The following MFSD1 variants were observed in gnomAD, a reference collection of about 807,000 sequenced individuals.
MFSD1 encodes the protein lysosomal dipeptide transporter MFSD1.
MFSD1 carries 59 observed loss-of-function variants against 67.1 expected under a neutral mutation model. That is an observed-to-expected ratio of 0.88 (90% confidence interval 0.71 to 1.09). The LOEUF (loss-of-function observed/expected upper bound fraction) is 1.09, where lower values mean the gene tolerates loss of function less well. Among genes scored for constraint, MFSD1 ranks in the 50% least tolerant of loss-of-function variants. The probability of loss-of-function intolerance (pLI) is 0.00; values close to 1 mark genes in which losing one functional copy is unlikely to be tolerated. For missense variants in MFSD1, 552 were observed against 566.1 expected (o/e 0.97, Z 0.25); for synonymous variants, 213 against 200.3 (o/e 1.06, Z -0.54).
chr3:158,819,612 C>G, intron 7 of MFSD1, 37 bp from the exon 8 acceptor site: 1 of 1,239,112 alleles, frequency 8.1e-7, no homozygotes, highest in Non-Finnish European at 1.1e-6. Flanking sequence ...GTTCTCTTTT[C>G]AAAGTCTGTT....
chr3:158,826,014 G>T lies in MFSD1; in HGVS notation c.1289-1G>T. ...AGGGCCCTATGTTTTTTCACTCCTAGTGTCACTTTTATCTGTGGTCTTACT... is the reference window on the plus strand; with the variant it reads ...AGGGCCCTATGTTTTTTCACTCCTATTGTCACTTTTATCTGTGGTCTTACT... On this transcript the variant is annotated splice_acceptor_variant, in intron 13 of 15. Coordinates refer to ENST00000415822, the MANE Select transcript of MFSD1 (RefSeq NM_022736.4). LOFTEE classifies it high-confidence loss of function. The T allele has an allele frequency of 2.5e-6, 4 of 1,612,304 alleles. No homozygotes were observed. Among genetic ancestry groups the T allele is most frequent in the Non-Finnish European group, 3.4e-6 (4 of 1,178,576 alleles).
chr3:158,808,621 T>C (rs1038339809), intron 5 of MFSD1, among the ~76,000 whole-genome samples: 1 of 152,232 alleles, frequency 6.6e-6, no homozygotes, highest in African/African-American at 2.4e-5. Context: ...ATGGTTATTA[T>C]TGCAGTATAT....
chr3:158,828,116 T>C (rs1262716829), intron 15 of MFSD1, among the ~76,000 whole-genome samples: 1 of 152,216 alleles, frequency 6.6e-6, no homozygotes, highest in Non-Finnish European at 1.5e-5. Flanking sequence ...CTTCTTCTGG[T>C]ACCAATATGT....
rs1353430785 is a variant in MFSD1, at chr3:158,823,634, G to A, written c.1175+109G>A. ...GTCGTCATCCAGCCTCTGGGGTAGC[G>A]CTGAACCTGGAGATAACTGGAAAAG... On this transcript the variant is annotated intron_variant, in intron 12 of 15. Transcript: ENST00000415822. The A allele has an allele frequency of 1.2e-5, 10 of 844,980 alleles. No homozygotes were observed. In the East Asian group the frequency reaches 1.5e-4, roughly 12 times the overall value. 52.3% of individuals were successfully genotyped at this position (844,980 alleles called of 1,614,324 possible).
In MFSD1 at chr3:158,824,098, G is replaced by A. The variant is rs766222322; in HGVS notation, c.1176-26G>A. The A allele has an allele frequency of 3.2e-5, 49 of 1,520,312 alleles. 1 individual carries two copies. The South Asian group carries it at 5.4e-4, about 17-fold the overall frequency. 94.2% of individuals were successfully genotyped at this position (1,520,312 alleles called of 1,614,324 possible). Reference sequence around the variant, plus strand: ...GTGTGAAGACTTTTGAAAATGAAATGTGTCTTTATATTTCTTCCATTGTAG... The same window carrying A: ...GTGTGAAGACTTTTGAAAATGAAATATGTCTTTATATTTCTTCCATTGTAG... On this transcript the variant is annotated intron_variant, in intron 12 of 15. Transcript: ENST00000415822.
intron 3 of MFSD1, among the ~76,000 whole-genome samples, chr3:158,806,171 A>G (rs1729715826): frequency 6.6e-6 from 1 of 152,270 alleles, no homozygotes; most frequent in Non-Finnish European, 1.5e-5. Flanking sequence ...AGAAACTTTA[A>G]GAGTTTACAC....
chr3:158,820,319 C>G lies in MFSD1; in HGVS notation c.856C>G (p.Leu286Val). Residue 286 changes from leucine (L) to valine (V), a missense_variant, in exon 9 of 16, where the codon CTT becomes GTT. Physicochemically the swap from Leu to Val is conservative, Grantham distance 32 (BLOSUM62 1). Coordinates refer to ENST00000415822, the MANE Select transcript of MFSD1 (RefSeq NM_022736.4). ...TGTTGCTGTGTTCCCTTTTATTGGACTTGGGAAGTGAGTATTCTCTATGTT... is the reference window on the plus strand; with the variant it reads ...TGTTGCTGTGTTCCCTTTTATTGGAGTTGGGAAGTGAGTATTCTCTATGTT... ...YYVAVFPFIG[L>V]GKVFFTEKFG... 6.3e-7 allele frequency: 1 copy of G among 1,594,470 alleles called. No homozygotes were observed. The highest frequency in any genetic ancestry group is 8.6e-7 in the Non-Finnish European group (1 of 1,162,568).
Position 158,822,063 on chromosome 3 carries a change from G to T in MFSD1, c.1000G>T (p.Val334Phe), listed in dbSNP as rs1576913369. 5 of 1,613,946 alleles carry T rather than the reference G, an allele frequency of 3.1e-6. No homozygotes were observed. The highest frequency in any genetic ancestry group is 4.2e-6 in the Non-Finnish European group (5 of 1,179,908). Residue 334 changes from valine to phenylalanine, a missense_variant, in exon 11 of 16, where the codon GTT becomes TTT. Physicochemically the swap from Val to Phe is conservative, Grantham distance 50. Transcript: ENST00000415822. Reference protein sequence around the residue: ...VDKTGKNIIWVLCAVAATLVS... With the variant: ...VDKTGKNIIWFLCAVAATLVS... ...TAAAACAGGGAAGAACATCATCTGG[G>T]TTCTTTGCGCAGTAGCAGCCACTCT...
Position 158,807,037 on chromosome 3 carries a change from C to T in MFSD1, c.330-3C>T, listed in dbSNP as rs1339420476. ...TCATTCTCATTCTTTCTTTCCCAAA[C>T]AGATGGGGCACAATCATTTTTAGCT... On this transcript the variant is annotated splice_region_variant and splice_polypyrimidine_tract_variant and intron_variant, in intron 3 of 15. Coordinates refer to ENST00000415822, the MANE Select transcript of MFSD1 (RefSeq NM_022736.4). 2.5e-6 allele frequency: 4 copies of T among 1,606,286 alleles called. No homozygotes were observed. The highest frequency in any genetic ancestry group is 3.4e-6 in the Non-Finnish European group (4 of 1,176,576).
intron 1 of MFSD1, among the ~76,000 whole-genome samples, chr3:158,802,831 GCT>G (rs745805461): frequency 1.3e-5 from 2 of 152,088 alleles, no homozygotes; most frequent in Non-Finnish European, 2.9e-5. Context: ...CTCCCGAGTA[GCT>G]GGGACCACAG....
At chr3:158,820,869 A>C (rs1357205822) in intron 9 of MFSD1, among the ~76,000 whole-genome samples, 1 of 152,230 alleles carries the variant, frequency 6.6e-6, no homozygotes, top group Non-Finnish European at 1.5e-5. Context: ...TACGGGGATT[A>C]CAATTCAAGA....
At chr3:158,802,416 G>A in intron 1 of MFSD1, 101 bp downstream of exon 1, 2 of 1,356,232 alleles carry the variant, frequency 1.5e-6, no homozygotes, top group Non-Finnish European at 2.1e-6. Context: ...GGGCCTCAGC[G>A]CAGCTTCTGT....
At chr3:158,811,085 C>G (rs61796772) in intron 6 of MFSD1, among the ~76,000 whole-genome samples, 3,310 of 152,222 alleles carry the variant, frequency 0.022, 61 homozygotes, top group Non-Finnish European at 0.034. Flanking sequence ...TTCTGAGGAG[C>G]CCTAAGTTTC....
chr3:158,809,342 A>G lies in MFSD1; in HGVS notation c.549+55A>G, dbSNP rs1729888323. On this transcript the variant is annotated intron_variant, in intron 6 of 15. Coordinates refer to ENST00000415822, the MANE Select transcript of MFSD1 (RefSeq NM_022736.4). ...AAATGGAAGCAAAAGATTAAATCTT[A>G]TAGTTCTCTTAAAAATCACAGGATG... 1.2e-5 allele frequency: 14 copies of G among 1,134,000 alleles called. 1 individual carries two copies. In the South Asian group the frequency reaches 1.8e-4, roughly 14 times the overall value. The allele number at this position is 1,134,000 out of a possible 1,614,324, so 70.2% of individuals were successfully genotyped here.
rs1393418260 is a variant in MFSD1, at chr3:158,820,314, T to C, written c.851T>C (p.Ile284Thr). Residue 284 changes from isoleucine (I) to threonine (T), a missense_variant, in exon 9 of 16, where the codon ATT becomes ACT. By Grantham distance (89) the Ile-to-Thr change is moderately conservative. Transcript: ENST00000415822. ...VCYYVAVFPF[I>T]GLGKVFFTEK... is the part of the protein sequence containing the mutation. ...TATTATGTTGCTGTGTTCCCTTTTA[T>C]TGGACTTGGGAAGTGAGTATTCTCT... 6.2e-7 allele frequency: 1 copy of C among 1,604,896 alleles called. No homozygotes were observed. Among genetic ancestry groups the C allele is most frequent in the African/African-American group, 1.3e-5 (1 of 74,906 alleles).
Position 158,822,155 on chromosome 3 carries a change from A to G in MFSD1, c.1077+15A>G, listed in dbSNP as rs368830856. Reference sequence around the variant, plus strand: ...GGATTGCTATGGTAACGTCTGTGTTAGCCCATGGTGGGGTCAGGGCTTCAG... The same window carrying G: ...GGATTGCTATGGTAACGTCTGTGTTGGCCCATGGTGGGGTCAGGGCTTCAG... On this transcript the variant is annotated intron_variant, in intron 11 of 15. Transcript: ENST00000415822. 8.4e-5 allele frequency: 135 copies of G among 1,598,322 alleles called. 1 individual carries two copies. The highest frequency in any genetic ancestry group is 1.1e-4 in the Non-Finnish European group (129 of 1,168,152).
chr3:158,807,020 ATTCT>A lies in MFSD1; in HGVS notation c.330-12_330-9del. On this transcript the variant is annotated splice_polypyrimidine_tract_variant and intron_variant, in intron 3 of 15. Coordinates refer to ENST00000415822, the MANE Select transcript of MFSD1 (RefSeq NM_022736.4). ...TTTTCTTTTTCTTTTTCTCATTCTC[ATTCT>A]TTCTTTCCCAAACAGATGGGGCACA... 6.3e-7 allele frequency: 1 copy of A among 1,598,560 alleles called. No individual in the cohort carries two copies. Among genetic ancestry groups the A allele is most frequent in the Non-Finnish European group, 8.5e-7 (1 of 1,172,306 alleles).
At chr3:158,809,039 C>T (rs963243385) in intron 5 of MFSD1, 140 bp from the exon 6 acceptor site, 6 of 554,612 alleles carry the variant, frequency 1.1e-5, no homozygotes, top group Non-Finnish European at 1.9e-5. Context: ...AGTCACAAGC[C>T]CACCTGGATT....
intron 7 of MFSD1, among the ~76,000 whole-genome samples, chr3:158,818,378 C>G (rs1730487641): frequency 6.6e-6 from 1 of 152,054 alleles, no homozygotes; most frequent in African/African-American, 2.4e-5. Context: ...ACCCTCTCTT[C>G]TAGCTATTTT....
Sources: gnomAD v4.1 joint callset for allele counts (sites outside exome capture counted in the v4.1 genomes callset) on GRCh38, gnomAD v4.1.1 for gene constraint, MANE v1.5 for transcripts, NCBI Gene and HGNC (gene_info 2026-07-23, HGNC 2026-07-21) for gene names.